CADM2: variants seen among roughly 807,000 people sequenced by gnomAD.
CADM2 encodes cell adhesion molecule 2, also known as immunoglobulin superfamily member 4D.
A neutral mutation model predicts 49.8 loss-of-function variants in CADM2; 12 were observed. That is an observed-to-expected ratio of 0.24 (90% CI 0.15 to 0.39). The LOEUF (loss-of-function observed/expected upper bound fraction) is 0.39, where lower values mean the gene tolerates loss of function less well. Ranked by LOEUF, CADM2 falls within the 10% of genes least tolerant of loss-of-function variation. The probability of loss-of-function intolerance (pLI) is 1.00; values close to 1 mark genes in which losing one functional copy is unlikely to be tolerated. For missense variants in CADM2, 378 were observed against 492.3 expected (o/e 0.77, Z 2.20); for synonymous variants, 214 against 175.4 (o/e 1.22, Z -1.74).
intron 1 of CADM2, among the ~76,000 whole-genome samples, chr3:85,053,802 A>G (rs1284538223): frequency 6.6e-6 from 1 of 151,932 alleles, no homozygotes; most frequent in Non-Finnish European, 1.5e-5. Context: ...AACTTTGTAT[A>G]AATATGTCTT....
At chr3:85,403,892 A>C (rs992375437) in intron 1 of CADM2, among the ~76,000 whole-genome samples, 1 of 152,102 alleles carries the variant, frequency 6.6e-6, no homozygotes, top group East Asian at 1.9e-4. Flanking sequence ...GAAAATCAGA[A>C]GTATTGTACT....
At chr3:85,009,906 A>T (rs921923876) in intron 1 of CADM2, among the ~76,000 whole-genome samples, 1 of 146,696 alleles carries the variant, frequency 6.8e-6, no homozygotes, top group Non-Finnish European at 1.5e-5. Flanking sequence ...TAAATAAATA[A>T]ATATTTTAAA....
At chr3:85,935,700 G>A in intron 6 of CADM2, 67 bp from the exon 7 acceptor site, 1 of 734,626 alleles carries the variant, frequency 1.4e-6, no homozygotes, top group Non-Finnish European at 2.3e-6. Context: ...ACAGCATGAT[G>A]CACAGTTATT....
chr3:85,673,689 A>T (rs2107639942), intron 1 of CADM2, among the ~76,000 whole-genome samples: 1 of 152,180 alleles, frequency 6.6e-6, no homozygotes, highest in South Asian at 2.1e-4. Context: ...AGGGAGAGAA[A>T]GAAAGAAGTA....
chr3:85,415,846 T>C (rs540974428), intron 1 of CADM2, among the ~76,000 whole-genome samples: 1 of 152,244 alleles, frequency 6.6e-6, no homozygotes, highest in East Asian at 1.9e-4. Flanking sequence ...CATGCATAAA[T>C]ATATTATACT....
chr3:85,351,110 A>G (rs1261990461), intron 1 of CADM2, among the ~76,000 whole-genome samples: 3 of 152,152 alleles, frequency 2.0e-5, no homozygotes, highest in African/African-American at 7.2e-5. Context: ...TGAACATTTA[A>G]TACTATATGC....
At chr3:85,734,339 T>C (rs1391217288) in intron 2 of CADM2, among the ~76,000 whole-genome samples, 1 of 151,970 alleles carries the variant, frequency 6.6e-6, no homozygotes, top group Non-Finnish European at 1.5e-5. Flanking sequence ...AGTCATGTAA[T>C]ATCCTATATA....
chr3:84,988,841 TAAATA>T (rs922092877), intron 1 of CADM2, among the ~76,000 whole-genome samples: 11 of 152,302 alleles, frequency 7.2e-5, no homozygotes, highest in East Asian at 3.9e-4. Flanking sequence ...TTTATTTACT[TAAATA>T]AAAGATACAG....
At chr3:85,976,930 T>C (rs1277317228) in intron 8 of CADM2, among the ~76,000 whole-genome samples, 1 of 151,548 alleles carries the variant, frequency 6.6e-6, no homozygotes, top group African/African-American at 2.4e-5. Context: ...TATTTGAATA[T>C]TAACCTATGG....
intron 1 of CADM2, among the ~76,000 whole-genome samples, chr3:85,085,406 T>C (rs9309969): frequency 2.6e-5 from 4 of 151,648 alleles, no homozygotes; most frequent in African/African-American, 7.3e-5. Context: ...TTTTTTAAAG[T>C]CTCAATAGTA....
At chr3:85,130,972 GAGGAGTTC>G (rs2039207402) in intron 1 of CADM2, among the ~76,000 whole-genome samples, 1 of 152,098 alleles carries the variant, frequency 6.6e-6, no homozygotes, top group African/African-American at 2.4e-5. Flanking sequence ...CACTTGAAGT[GAGGAGTTC>G]AAGACCAGCC....
intron 1 of CADM2, among the ~76,000 whole-genome samples, chr3:85,503,969 T>C (rs983947877): frequency 4.6e-5 from 7 of 152,214 alleles, no homozygotes; most frequent in East Asian, 1.9e-4. Flanking sequence ...ATTAGTGAAT[T>C]ACCTTAACAG....
At chr3:85,807,494 C>G (rs1360082639) in intron 3 of CADM2, among the ~76,000 whole-genome samples, 1 of 111,804 alleles carries the variant, frequency 8.9e-6, no homozygotes, top group African/African-American at 4.6e-5. Context: ...AGTGAAACTC[C>G]GTCTCAAAAA....
At chr3:85,642,608 A>G (rs559493512) in intron 1 of CADM2, among the ~76,000 whole-genome samples, 2 of 152,294 alleles carry the variant, frequency 1.3e-5, no homozygotes, top group African/African-American at 4.8e-5. Context: ...TTAAGTGTCT[A>G]TTATTTGCTC....
intron 7 of CADM2, among the ~76,000 whole-genome samples, chr3:85,943,102 T>C (rs1386797587): frequency 6.6e-6 from 1 of 151,980 alleles, no homozygotes; most frequent in Non-Finnish European, 1.5e-5. Context: ...TGAACATTTT[T>C]TCATGTGTTT....
intron 1 of CADM2, among the ~76,000 whole-genome samples, chr3:85,246,289 C>T (rs1232980762): frequency 1.3e-5 from 2 of 151,882 alleles, no homozygotes; most frequent in African/African-American, 2.4e-5. Flanking sequence ...CACACCAGGG[C>T]CTGTTGTGGG....
chr3:85,467,287 GT>G (rs1576607876), intron 1 of CADM2, among the ~76,000 whole-genome samples: 1 of 152,046 alleles, frequency 6.6e-6, no homozygotes, highest in East Asian at 1.9e-4. Flanking sequence ...AGAATTTAGA[GT>G]TTTGGTATGT....
rs1041860603 is a variant in CADM2 at position 86,069,431 on chromosome 3, A to C, written c.*2648A>C. On this transcript the variant is annotated 3_prime_UTR_variant, in exon 10 of 10. Transcript: ENST00000383699. ...AAATATAGTTTGATTTAAATGAGAC[A>C]CCATGTTCTGAACTGGAGAAAACAA... 4 of 152,016 alleles carry C rather than the reference A, an allele frequency of 2.6e-5. No individual in the cohort carries two copies. The highest frequency in any genetic ancestry group is 4.4e-5 in the Non-Finnish European group (3 of 67,902). 9.4% of individuals were successfully genotyped at this position (152,016 alleles called of 1,614,324 possible). A position where few individuals can be genotyped will look rare whatever the true frequency, so the allele number is the denominator to read the frequency against.
At chr3:85,781,214 G>A (rs73845664) in intron 2 of CADM2, among the ~76,000 whole-genome samples, 7,748 of 152,174 alleles carry the variant, frequency 0.051, 560 homozygotes, top group African/African-American at 0.16. Flanking sequence ...GAAAACCAAG[G>A]TCATGCTCAA....
Sources: allele counts gnomAD v4.1 joint callset (sites outside exome capture counted in the v4.1 genomes callset), GRCh38; gene constraint gnomAD v4.1.1; transcripts MANE v1.5; gene names NCBI Gene and HGNC (gene_info 2026-07-23, HGNC 2026-07-21).